PHACTR1: variants seen among roughly 807,000 people sequenced by gnomAD.
PHACTR1 encodes RPEL repeat containing 1.
In PHACTR1, 16 loss-of-function variants were observed where a neutral mutation model predicts 69.2. The observed-to-expected ratio is 0.23, with a 90% CI of 0.16 to 0.35. The LOEUF (loss-of-function observed/expected upper bound fraction) is 0.35, where lower values mean the gene tolerates loss of function less well. Among genes scored for constraint, PHACTR1 ranks in the 10% least tolerant of loss-of-function variants. PHACTR1 has a pLI of 1.00. For missense variants in PHACTR1, 510 were observed against 734.7 expected (o/e 0.69, Z 3.54); for synonymous variants, 312 against 284.5 (o/e 1.10, Z -0.97).
At chr6:13,243,290 C>T (rs1773119721) in intron 10 of PHACTR1, among the ~76,000 whole-genome samples, 2 of 149,540 alleles carry the variant, frequency 1.3e-5, no homozygotes, top group African/African-American at 4.9e-5. Flanking sequence ...TTTTCTACAA[C>T]CTTATAACCA....
chr6:13,101,861 C>G (rs1815220060), intron 5 of PHACTR1, among the ~76,000 whole-genome samples: 1 of 152,182 alleles, frequency 6.6e-6, no homozygotes. Flanking sequence ...CAGTGAAGAG[C>G]TCTTAACTCA....
At chr6:12,884,777 A>G (rs188444959) in intron 4 of PHACTR1, among the ~76,000 whole-genome samples, 95 of 152,134 alleles carry the variant, frequency 6.2e-4, no homozygotes, top group African/African-American at 2.1e-3. Flanking sequence ...ATTAAACACC[A>G]CTGAATACCT....
At chr6:13,041,824 G>A (rs1804225851) in intron 4 of PHACTR1, among the ~76,000 whole-genome samples, 1 of 152,200 alleles carries the variant, frequency 6.6e-6, no homozygotes, top group Non-Finnish European at 1.5e-5. Context: ...GAAAAGATGT[G>A]TGATGATACG....
chr6:13,287,223 C>A lies in PHACTR1; in HGVS notation c.*145C>A. The stretch of plus-strand genomic sequence containing the variant: ...AAAAAGAAGAAAAATCAAGGAAACA[C>A]AATCAGGATTTTATGTGTGAAAACG... On this transcript the variant is annotated 3_prime_UTR_variant, in exon 15 of 15. Transcript: ENST00000332995. The A allele has an allele frequency of 1.1e-6, 1 of 893,246 alleles. No individual in the cohort carries two copies. The highest frequency in any genetic ancestry group is 1.7e-6 in the Non-Finnish European group (1 of 599,232). The allele number at this position is 893,246 out of a possible 1,614,324, so 55.3% of individuals were successfully genotyped here. A position where few individuals can be genotyped will look rare whatever the true frequency, so the allele number is the denominator to read the frequency against.
intron 5 of PHACTR1, among the ~76,000 whole-genome samples, chr6:13,091,807 C>CT (rs935796710): frequency 9.2e-5 from 14 of 151,670 alleles, no homozygotes; most frequent in Admixed American, 6.6e-5. Flanking sequence ...GTTCGCAATT[C>CT]TTTTTTTTGA....
chr6:13,219,250 G>A (rs1400127720), intron 8 of PHACTR1, among the ~76,000 whole-genome samples: 2 of 152,278 alleles, frequency 1.3e-5, no homozygotes, highest in Admixed American at 6.5e-5. Context: ...GGATACTTCT[G>A]TTCATTATTT....
At chr6:13,134,241 G>C (rs563214826) in intron 5 of PHACTR1, among the ~76,000 whole-genome samples, 3 of 150,746 alleles carry the variant, frequency 2.0e-5, no homozygotes, top group Non-Finnish European at 4.4e-5. Flanking sequence ...CGCCCTGTCC[G>C]GGAGGGAGGT....
At chr6:12,855,867 T>A (rs577420443) in intron 4 of PHACTR1, among the ~76,000 whole-genome samples, 1 of 152,352 alleles carries the variant, frequency 6.6e-6, no homozygotes, top group South Asian at 2.1e-4. Flanking sequence ...AGAACAGTAT[T>A]ACCTGAGAAT....
chr6:12,759,607 G>A (rs1767804638), intron 4 of PHACTR1, among the ~76,000 whole-genome samples: 1 of 151,956 alleles, frequency 6.6e-6, no homozygotes, highest in Non-Finnish European at 1.5e-5. Context: ...ATAAGTTTAG[G>A]GGCCAAGAAA....
intron 4 of PHACTR1, among the ~76,000 whole-genome samples, chr6:13,051,077 T>A (rs1273704499): frequency 6.6e-6 from 1 of 152,182 alleles, no homozygotes; most frequent in African/African-American, 2.4e-5. Flanking sequence ...GAAACAAATC[T>A]AATTGCATCC....
chr6:12,849,584 G>A (rs1007454177), intron 4 of PHACTR1, among the ~76,000 whole-genome samples: 7 of 152,200 alleles, frequency 4.6e-5, no homozygotes, highest in African/African-American at 1.7e-4. Flanking sequence ...TGGGCGGGAA[G>A]TGCAAGAGCT....
At chr6:12,732,750 A>G (rs1561829402) in intron 3 of PHACTR1, among the ~76,000 whole-genome samples, 3 of 152,134 alleles carry the variant, frequency 2.0e-5, no homozygotes, top group Non-Finnish European at 2.9e-5. Context: ...TAATTTTTCT[A>G]TGTCTGAATT....
At chr6:13,178,748 T>C (rs1761757225) in intron 6 of PHACTR1, among the ~76,000 whole-genome samples, 1 of 152,226 alleles carries the variant, frequency 6.6e-6, no homozygotes, top group African/African-American at 2.4e-5. Context: ...ACTTTAGAAG[T>C]TCATGTAAAA....
chr6:12,933,778 C>T (rs1040025058), intron 4 of PHACTR1: 1 of 1,612,836 alleles, frequency 6.2e-7, no homozygotes, highest in Admixed American at 1.7e-5. Context: ...CAGCCCACAT[C>T]TGCTCAGGCC....
At chr6:13,281,530 C>T in intron 12 of PHACTR1, 1 of 233,210 alleles carries the variant, frequency 4.3e-6, no homozygotes, top group Admixed American at 5.0e-5. Flanking sequence ...GAACTCCAGC[C>T]TGGGCAACAG....
At chr6:13,214,248 G>C (rs892416082) in intron 8 of PHACTR1, 12 of 150,180 alleles carry the variant, frequency 8.0e-5, no homozygotes, top group African/African-American at 2.9e-4. Flanking sequence ...AAAGAAACAG[G>C]CTTTTGCTGA....
intron 5 of PHACTR1, among the ~76,000 whole-genome samples, chr6:13,062,250 C>T (rs1336003449): frequency 6.6e-6 from 1 of 152,168 alleles, no homozygotes; most frequent in Non-Finnish European, 1.5e-5. Flanking sequence ...GCATAGATCT[C>T]CAGTCCTCTC....
intron 10 of PHACTR1, chr6:13,267,728 T>C (rs1584319788): frequency 6.6e-6 from 1 of 151,854 alleles, no homozygotes; most frequent in Non-Finnish European, 1.5e-5. Flanking sequence ...TGGTTCATGT[T>C]GGGTAGATTA....
chr6:13,242,631 T>A (rs1184117076), intron 10 of PHACTR1, among the ~76,000 whole-genome samples: 1 of 152,182 alleles, frequency 6.6e-6, no homozygotes, highest in Admixed American at 6.5e-5. Flanking sequence ...AAGCAACTTA[T>A]GGAAATCAAA....
Sources: gnomAD v4.1 joint callset for allele counts (sites outside exome capture counted in the v4.1 genomes callset) on GRCh38, gnomAD v4.1.1 for gene constraint, MANE v1.5 for transcripts, NCBI Gene and HGNC (gene_info 2026-07-23, HGNC 2026-07-21) for gene names.